Variants in ASB5 observed in about 807,000 individuals in gnomAD.
ASB5 encodes the protein ankyrin repeat and SOCS box protein 5.
A neutral mutation model predicts 42.1 loss-of-function variants in ASB5; 45 were observed. The ratio of observed to expected loss-of-function variants is 1.07; its 90% CI spans 0.84 to 1.37. The LOEUF is 1.37. ASB5 is among the 40% of genes most tolerant of loss of function. The probability of loss-of-function intolerance (pLI) is 0.00; values close to 1 mark genes in which losing one functional copy is unlikely to be tolerated. For missense variants in ASB5, 402 were observed against 399.8 expected, an observed-to-expected ratio of 1.01 and a Z score of -0.05; for synonymous variants, 147 against 150.6, an observed-to-expected ratio of 0.98 and a Z score of 0.18.
At chr4:176,250,668 C>G (rs1754015412) in intron 1 of ASB5, among the ~76,000 whole-genome samples, 1 of 152,176 alleles carries the variant, frequency 6.6e-6, no homozygotes, top group African/African-American at 2.4e-5. Context: ...AAGACAGGAA[C>G]AGAGATTGTC....
At chr4:176,232,193 G>A (rs1753566690) in intron 1 of ASB5, among the ~76,000 whole-genome samples, 1 of 150,854 alleles carries the variant, frequency 6.6e-6, no homozygotes, top group South Asian at 2.1e-4. Flanking sequence ...TGCGATCTCG[G>A]CTCACTGCAA....
At chr4:176,270,850 A>G (rs1754456372), upstream of ASB5, among the ~76,000 whole-genome samples, 1 of 152,172 alleles carries the variant, frequency 6.6e-6, no homozygotes, top group Admixed American at 6.5e-5. Context: ...CAGCTGGGCC[A>G]TCACAGTGCT....
At chr4:176,224,129 C>G (rs1041524610) in intron 2 of ASB5, among the ~76,000 whole-genome samples, 1 of 151,634 alleles carries the variant, frequency 6.6e-6, no homozygotes, top group Non-Finnish European at 1.5e-5. Context: ...GGCAACATGA[C>G]CTTTCCTTTC....
intron 1 of ASB5, chr4:176,237,359 C>T: frequency 1.0e-6 from 1 of 985,708 alleles, no homozygotes; most frequent in African/African-American, 1.7e-5. Context: ...ACTCACTAGC[C>T]TTCTTTTCGT....
chr4:176,237,001 T>C (rs1753702385), intron 1 of ASB5, among the ~76,000 whole-genome samples: 1 of 152,234 alleles, frequency 6.6e-6, no homozygotes, highest in Admixed American at 6.5e-5. Context: ...CTTAATAGCA[T>C]CTTTCCTTGT....
chr4:176,275,019 A>T (rs1754539926), intron 2 of ASB5, among the ~76,000 whole-genome samples: 1 of 147,404 alleles, frequency 6.8e-6, no homozygotes, highest in Admixed American at 7.0e-5. Flanking sequence ...GGTTCAAGCG[A>T]TTCTCCTGCC....
At chr4:176,218,345 T>C (rs1248365476) in intron 5 of ASB5, among the ~76,000 whole-genome samples, 1 of 81,570 alleles carries the variant, frequency 1.2e-5, no homozygotes, top group East Asian at 2.8e-4. Flanking sequence ...GTATGATATA[T>C]AAATATATAT....
At chr4:176,250,081 A>C (rs1040031654) in intron 1 of ASB5, among the ~76,000 whole-genome samples, 2 of 150,860 alleles carry the variant, frequency 1.3e-5, no homozygotes, top group Admixed American at 1.3e-4. Context: ...AAAAAAAAAA[A>C]GAAAAAGAAA....
intron 1 of ASB5, among the ~76,000 whole-genome samples, chr4:176,256,006 T>C (rs1324456619): frequency 6.6e-6 from 1 of 152,214 alleles, no homozygotes; most frequent in Middle Eastern, 3.2e-3. Flanking sequence ...AAAAGTCTAT[T>C]AGAGACTAGC....
chr4:176,233,336 C>T (rs1753598075), intron 1 of ASB5, among the ~76,000 whole-genome samples: 1 of 152,148 alleles, frequency 6.6e-6, no homozygotes, highest in African/African-American at 2.4e-5. Flanking sequence ...ATATGGATTA[C>T]TCTAATCTAC....
At chr4:176,223,936 T>C (rs1374853576) in intron 2 of ASB5, among the ~76,000 whole-genome samples, 1 of 152,152 alleles carries the variant, frequency 6.6e-6, no homozygotes, top group Non-Finnish European at 1.5e-5. Context: ...TTTTTAGTGT[T>C]TATTTTCCTC....
intron 5 of ASB5, among the ~76,000 whole-genome samples, chr4:176,218,193 GATATATAA>G (rs1214721621): frequency 1.1e-5 from 1 of 93,346 alleles, no homozygotes; most frequent in Non-Finnish European, 2.1e-5. Flanking sequence ...ATATTTGTAT[GATATATAA>G]ATATATATAT....
intron 1 of ASB5, among the ~76,000 whole-genome samples, chr4:176,253,677 C>A (rs1171129665): frequency 6.6e-6 from 1 of 152,162 alleles, no homozygotes; most frequent in Non-Finnish European, 1.5e-5. Context: ...CTGATAAACA[C>A]CTTCAGTAAA....
intron 1 of ASB5, among the ~76,000 whole-genome samples, chr4:176,252,920 T>C (rs758568199): frequency 1.3e-5 from 2 of 152,228 alleles, no homozygotes; most frequent in African/African-American, 4.8e-5. Flanking sequence ...CATTACCTTA[T>C]GTAGGGCACA....
chr4:176,229,891 A>G (rs1561256034), intron 1 of ASB5, among the ~76,000 whole-genome samples: 1 of 152,216 alleles, frequency 6.6e-6, no homozygotes, highest in Non-Finnish European at 1.5e-5. Flanking sequence ...GGGCCTTGCA[A>G]TCTCTCACTA....
At chr4:176,245,753 T>C (rs925911687) in intron 1 of ASB5, among the ~76,000 whole-genome samples, 1 of 152,206 alleles carries the variant, frequency 6.6e-6, no homozygotes, top group East Asian at 1.9e-4. Context: ...TGCAGCGACA[T>C]GGATGAAGCT....
intron 1 of ASB5, among the ~76,000 whole-genome samples, chr4:176,258,142 TAA>T (rs1754190676): frequency 1.3e-5 from 2 of 152,248 alleles, no homozygotes; most frequent in Non-Finnish European, 2.9e-5. Flanking sequence ...TATAGAAAGT[TAA>T]CATCTATAGA....
At chr4:176,229,261 A>T (rs945152803) in intron 1 of ASB5, among the ~76,000 whole-genome samples, 1 of 152,192 alleles carries the variant, frequency 6.6e-6, no homozygotes, top group Non-Finnish European at 1.5e-5. Context: ...AGGAAAATTA[A>T]CCAGATGTTG....
At chr4:176,261,263 T>G (rs1450556112) in intron 1 of ASB5, among the ~76,000 whole-genome samples, 1 of 152,210 alleles carries the variant, frequency 6.6e-6, no homozygotes. Flanking sequence ...TTCTCTGAGA[T>G]GTACTTCATG....
Sources: gnomAD v4.1 joint callset for allele counts (sites outside exome capture counted in the v4.1 genomes callset) on GRCh38, gnomAD v4.1.1 for gene constraint, MANE v1.5 for transcripts, NCBI Gene and HGNC (gene_info 2026-07-23, HGNC 2026-07-21) for gene names.